Variants in MAPRE2 observed in about 807,000 individuals in gnomAD.
MAPRE2 encodes the protein microtubule associated protein RP/EB family member 2.
In MAPRE2, 13 loss-of-function variants were observed where a neutral mutation model predicts 43.2. That is an observed-to-expected ratio of 0.30 (90% CI 0.20 to 0.48). MAPRE2 has a LOEUF of 0.48. Among genes scored for constraint, MAPRE2 ranks in the 20% least tolerant of loss-of-function variants. MAPRE2 has a pLI of 0.99. For synonymous variants in MAPRE2, 135 were observed against 148.8 expected (o/e 0.91, Z 0.68); for missense variants, 161 against 400.2 (o/e 0.40, Z 5.10).
intron 5 of MAPRE2, among the ~76,000 whole-genome samples, chr18:35,130,854 G>T (rs564615461): frequency 1.3e-5 from 2 of 152,154 alleles, no homozygotes; most frequent in African/African-American, 4.8e-5. Flanking sequence ...CCCCGTGAGG[G>T]TTTCTTTAGC....
At chr18:34,983,272 C>T (rs147646831) in intron 1 of MAPRE2, among the ~76,000 whole-genome samples, 4 of 152,132 alleles carry the variant, frequency 2.6e-5, no homozygotes, top group East Asian at 3.9e-4. Flanking sequence ...ATGTACTTTG[C>T]GAAAAGCAGT....
chr18:34,979,151 G>A (rs1158414780), intron 1 of MAPRE2, among the ~76,000 whole-genome samples: 2 of 152,134 alleles, frequency 1.3e-5, no homozygotes, highest in Non-Finnish European at 2.9e-5. Flanking sequence ...CCTAGCTGGT[G>A]GTGACACCTA....
intron 3 of MAPRE2, among the ~76,000 whole-genome samples, chr18:35,099,974 G>C (rs866056105): frequency 3.7e-4 from 57 of 152,236 alleles, no homozygotes; most frequent in African/African-American, 1.3e-3. Flanking sequence ...TACATTTTAG[G>C]ATATCAATGA....
intron 2 of MAPRE2, chr18:35,070,606 C>G (rs1907067438): frequency 4.8e-6 from 1 of 207,654 alleles, no homozygotes; most frequent in Admixed American, 5.9e-5. Flanking sequence ...CTCTGTCATC[C>G]CATCTGCCAT....
intron 2 of MAPRE2, 142 bp downstream of exon 2, chr18:35,070,464 A>T: frequency 1.6e-6 from 1 of 636,572 alleles, no homozygotes; most frequent in Non-Finnish European, 2.4e-6. Flanking sequence ...GGAAAAACTC[A>T]GATATAACTA....
intron 2 of MAPRE2, among the ~76,000 whole-genome samples, chr18:35,087,830 T>C (rs1419312963): frequency 6.6e-6 from 1 of 152,194 alleles, no homozygotes; most frequent in Admixed American, 6.5e-5. Flanking sequence ...ACTGGGTAAT[T>C]TATAATGAAC....
intron 6 of MAPRE2, among the ~76,000 whole-genome samples, chr18:35,135,575 T>C (rs1186578571): frequency 3.3e-5 from 5 of 152,180 alleles, no homozygotes; most frequent in Admixed American, 1.3e-4. Context: ...CCTTCCCCTA[T>C]GTCTATGGTC....
At chr18:35,124,443 G>A (rs192680332) in intron 4 of MAPRE2, among the ~76,000 whole-genome samples, 16 of 152,270 alleles carry the variant, frequency 1.1e-4, no homozygotes, top group Admixed American at 4.6e-4. Flanking sequence ...GCCAAACCAC[G>A]TCACATGGGA....
intron 4 of MAPRE2, among the ~76,000 whole-genome samples, chr18:35,107,696 G>A (rs1367632830): frequency 1.3e-5 from 2 of 152,122 alleles, no homozygotes; most frequent in Non-Finnish European, 2.9e-5. Context: ...TGGTTGTATA[G>A]TGTTTTAGAA....
chr18:35,035,844 C>T (rs190910544), intron 2 of MAPRE2, among the ~76,000 whole-genome samples: 133 of 136,796 alleles, frequency 9.7e-4, no homozygotes, highest in African/African-American at 3.4e-3. Flanking sequence ...AGTTTCATCT[C>T]GGGTCTTCTC....
upstream of MAPRE2, among the ~76,000 whole-genome samples, chr18:35,038,635 T>C (rs574400): frequency 0.15 from 22,642 of 152,178 alleles, 1,815 homozygotes; most frequent in East Asian, 0.31. Context: ...TCTTCCCTCA[T>C]CCTTCCTGAA....
chr18:35,089,134 C>T (rs1325089639), intron 2 of MAPRE2, among the ~76,000 whole-genome samples: 2 of 152,142 alleles, frequency 1.3e-5, no homozygotes, highest in Admixed American at 6.5e-5. Flanking sequence ...GCAGGAATGA[C>T]TCAGTGAGTA....
rs1568959710 is a variant in MAPRE2 at position 34,981,892 on chromosome 18, T to TTA, written c.-70+4814_-70+4815insAT. Among the ~76,000 whole-genome samples the TTA allele has an allele frequency of 6.2e-3, 267 of 42,852 alleles. 4 individuals carry two copies. The highest frequency in any genetic ancestry group is 0.016 in the African/African-American group (258 of 16,196). The allele number at this position is 42,852 out of a possible 152,430, so 28.1% of individuals were successfully genotyped here. A position where few individuals can be genotyped will look rare whatever the true frequency, so the allele number is the denominator to read the frequency against. ...TTTTTTTTTTATTTTTATTTATTTT[T>TTA]TTTTTTTTTTGAGACGGAGTCTCAC... On this transcript the variant is annotated intron_variant, in intron 1 of 7. Transcript: ENST00000413393.
intron 5 of MAPRE2, among the ~76,000 whole-genome samples, chr18:35,129,634 C>T (rs1910059101): frequency 6.6e-6 from 1 of 152,164 alleles, no homozygotes; most frequent in South Asian, 2.1e-4. Flanking sequence ...GTGGATTAGC[C>T]AACTGGAAGT....
chr18:35,030,209 A>G (rs1045583028), intron 2 of MAPRE2, among the ~76,000 whole-genome samples: 1 of 152,060 alleles, frequency 6.6e-6, no homozygotes, highest in African/African-American at 2.4e-5. Context: ...GGATACTGCT[A>G]TCCTGTACAG....
At chr18:34,981,245 A>T (rs1268371659) in intron 1 of MAPRE2, among the ~76,000 whole-genome samples, 2 of 151,966 alleles carry the variant, frequency 1.3e-5, no homozygotes, top group Non-Finnish European at 2.9e-5. Context: ...AAGGTGGCAC[A>T]CACCTGTAGT....
chr18:35,104,291 G>T (rs1461023982), intron 4 of MAPRE2, among the ~76,000 whole-genome samples: 5 of 152,122 alleles, frequency 3.3e-5, no homozygotes, highest in African/African-American at 1.2e-4. Context: ...ATTTAACAAG[G>T]GCTTGTGGAA....
chr18:35,107,235 C>A (rs760813794), intron 4 of MAPRE2, among the ~76,000 whole-genome samples: 1 of 152,108 alleles, frequency 6.6e-6, no homozygotes, highest in Non-Finnish European at 1.5e-5. Context: ...AGGAAGCAAC[C>A]TAAGTAGAAT....
intron 2 of MAPRE2, among the ~76,000 whole-genome samples, chr18:35,090,559 C>G (rs1324136949): frequency 1.4e-4 from 22 of 151,932 alleles, no homozygotes; most frequent in Admixed American, 9.8e-4. Context: ...TGGTGAAACC[C>G]TGTCTCCACT....
Sources: allele counts gnomAD v4.1 joint callset (sites outside exome capture counted in the v4.1 genomes callset), GRCh38; gene constraint gnomAD v4.1.1; transcripts MANE v1.5; gene names NCBI Gene and HGNC (gene_info 2026-07-23, HGNC 2026-07-21).